The following ANKRD30B variants were observed in gnomAD, a reference collection of about 807,000 sequenced individuals.
ANKRD30B encodes the protein ankyrin repeat domain-containing protein 30B.
In ANKRD30B, 144 loss-of-function variants were observed where a neutral mutation model predicts 202.2. That is an observed-to-expected ratio of 0.71 (90% CI 0.62 to 0.82). The LOEUF (loss-of-function observed/expected upper bound fraction) is 0.82. Ranked by LOEUF, ANKRD30B falls within the 40% of genes least tolerant of loss-of-function variation. ANKRD30B has a pLI of 0.00. For synonymous variants in ANKRD30B, 508 were observed against 561.3 expected, an observed-to-expected ratio of 0.91 and a Z score of 1.34; for missense variants, 1,487 against 1,669.1, an observed-to-expected ratio of 0.89 and a Z score of 1.90.
intron 10 of ANKRD30B, among the ~76,000 whole-genome samples, chr18:14,778,585 C>G (rs1401652458): frequency 2.0e-5 from 3 of 152,070 alleles, no homozygotes; most frequent in Non-Finnish European, 1.5e-5. Flanking sequence ...GTTTTATCTG[C>G]AAAGGGTTAA....
At chr18:14,762,404 A>G (rs1183783588) in intron 6 of ANKRD30B, among the ~76,000 whole-genome samples, 3 of 152,232 alleles carry the variant, frequency 2.0e-5, no homozygotes, top group Non-Finnish European at 2.9e-5. Context: ...ATCAGTACCA[A>G]TAGGAGATTA....
the ANKRD30B span, among the ~76,000 whole-genome samples, chr18:14,906,280 T>C: frequency 6.6e-6 from 1 of 152,292 alleles, no homozygotes; most frequent in South Asian, 2.1e-4. Context: ...TGTGTTCTCC[T>C]GTCACTTTCT....
chr18:14,932,673 G>C, the ANKRD30B span, among the ~76,000 whole-genome samples: 3 of 152,220 alleles, frequency 2.0e-5, no homozygotes, highest in Non-Finnish European at 4.4e-5. Context: ...TTTGTCCTGG[G>C]TATGTTCTGG....
At position 14,832,619 on chromosome 18, in the gene ANKRD30B, G is replaced by A. The variant is rs546047520; in HGVS notation, c.2847+1164G>A. On this transcript the variant is annotated intron_variant, in intron 34 of 43. Coordinates refer to ENST00000690538, the MANE Select transcript of ANKRD30B (RefSeq NM_001367607.2). ...CTTGCCTGTAAAAAGCATTTTAAGCGGTTTTCAATGTGAATAAATAAGCAA... is the reference window on the plus strand; with the variant it reads ...CTTGCCTGTAAAAAGCATTTTAAGCAGTTTTCAATGTGAATAAATAAGCAA... 6.6e-5 allele frequency among the ~76,000 whole-genome samples: 10 copies of A among 152,158 alleles called. No homozygotes were observed. The East Asian group carries it at 1.2e-3, about 18-fold the overall frequency.
the ANKRD30B span, among the ~76,000 whole-genome samples, chr18:14,909,526 G>C: frequency 1.3e-5 from 2 of 152,028 alleles, no homozygotes; most frequent in African/African-American, 2.4e-5. Context: ...TTCCCCCTCA[G>C]CCTCCCAAAT....
Position 14,841,060 on chromosome 18 carries a change from A to G in ANKRD30B, c.3079+382A>G, listed in dbSNP as rs190974058. Among the ~76,000 whole-genome samples the G allele has an allele frequency of 3.9e-5, 6 of 152,312 alleles. No homozygotes were observed. The East Asian group carries it at 1.2e-3, about 29-fold the overall frequency. On this transcript the variant is annotated intron_variant, in intron 37 of 43. Transcript: ENST00000690538. ...ATGGTTAGAAAGCTGGGAAGAATAT[A>G]AAGTGACCTCCCATTACCAAAATTT...
the ANKRD30B span, among the ~76,000 whole-genome samples, chr18:14,882,352 C>T: frequency 3.9e-5 from 6 of 152,102 alleles, no homozygotes; most frequent in East Asian, 3.8e-4. Context: ...ATCGTGATTT[C>T]GTTTTTCACC....
intron 30 of ANKRD30B, among the ~76,000 whole-genome samples, chr18:14,821,204 G>A (rs1970402746): frequency 1.3e-5 from 2 of 152,144 alleles, no homozygotes. Flanking sequence ...GGGATCGGTG[G>A]TGATATCCCC....
Position 14,748,502 on chromosome 18 carries a change from A to G in ANKRD30B, c.83A>G (p.Glu28Gly), listed in dbSNP as rs1005052994. 1.3e-6 allele frequency: 2 copies of G among 1,551,570 alleles called. No homozygotes were observed. The highest frequency in any genetic ancestry group is 1.7e-6 in the Non-Finnish European group (2 of 1,147,006). ...CCCTTCAGCGAACGGGTCTACACTG[A>G]GAAGGACTACGGGACCATCTACTTC... ...PNPFSERVYT[E>G]KDYGTIYFGD... The change falls in exon 1 of 44, where the codon GAG becomes GGG. Residue 28 changes from glutamate (E) to glycine (G), a missense_variant. Physicochemically the swap from Glu to Gly is moderately conservative, Grantham distance 98. Coordinates refer to ENST00000690538, the MANE Select transcript of ANKRD30B (RefSeq NM_001367607.2).
At chr18:14,759,932 G>A (rs1187808005) in intron 5 of ANKRD30B, among the ~76,000 whole-genome samples, 1 of 152,138 alleles carries the variant, frequency 6.6e-6, no homozygotes, top group Non-Finnish European at 1.5e-5. Flanking sequence ...TGTAGAGACA[G>A]GGTCTCCCTG....
At chr18:14,800,039 T>A (rs1191720786) in intron 22 of ANKRD30B, among the ~76,000 whole-genome samples, 3 of 151,792 alleles carry the variant, frequency 2.0e-5, no homozygotes, top group African/African-American at 7.3e-5. Context: ...CAGACGAGCC[T>A]GGTCAACACA....
intron 41 of ANKRD30B, 33 bp from the exon 42 acceptor site, chr18:14,851,476 G>C: frequency 6.8e-7 from 1 of 1,475,606 alleles, no homozygotes. Flanking sequence ...ATTTTATTGA[G>C]TGCTAGTTAA....
At chr18:14,920,496 T>TA in the ANKRD30B span, among the ~76,000 whole-genome samples, 1 of 152,178 alleles carries the variant, frequency 6.6e-6, no homozygotes, top group Non-Finnish European at 1.5e-5. Context: ...AAACAAAAGT[T>TA]AAAGACTATC....
At chr18:14,935,389 C>T in the ANKRD30B span, among the ~76,000 whole-genome samples, 1 of 152,216 alleles carries the variant, frequency 6.6e-6, no homozygotes, top group Non-Finnish European at 1.5e-5. Flanking sequence ...CAGAAGGTCG[C>T]CTGTCCACAG....
In ANKRD30B at chr18:14,773,289, G is replaced by A. The variant is rs544807037; in HGVS notation, c.1329+1061G>A. 5.3e-5 allele frequency among the ~76,000 whole-genome samples: 8 copies of A among 152,164 alleles called. No homozygotes were observed. The South Asian group carries it at 8.3e-4, about 16-fold the overall frequency. ...CATTTTGGAGCTCTTGCATCACTAT[G>A]AGATACTGCAGGTTAGAAAACATAC... On this transcript the variant is annotated intron_variant, in intron 9 of 43. Coordinates refer to ENST00000690538, the MANE Select transcript of ANKRD30B (RefSeq NM_001367607.2).
chr18:14,852,670 T>A (rs1971941645), intron 42 of ANKRD30B: 1 of 314,186 alleles, frequency 3.2e-6, no homozygotes, highest in Non-Finnish European at 5.6e-6. Flanking sequence ...AGATTAACAT[T>A]AATGACATTG....
chr18:14,845,450 C>G (rs1971597873), intron 39 of ANKRD30B, among the ~76,000 whole-genome samples: 1 of 151,790 alleles, frequency 6.6e-6, no homozygotes, highest in African/African-American at 2.4e-5. Flanking sequence ...CATGTTTATT[C>G]ACATAAATTT....
At chr18:14,838,605 A>G (rs1274230912) in intron 36 of ANKRD30B, among the ~76,000 whole-genome samples, 2 of 152,216 alleles carry the variant, frequency 1.3e-5, no homozygotes, top group Non-Finnish European at 2.9e-5. Context: ...ATGTATTCCA[A>G]GGTCACAACT....
intron 7 of ANKRD30B, among the ~76,000 whole-genome samples, chr18:14,764,441 G>A (rs1290472518): frequency 6.6e-6 from 1 of 152,016 alleles, no homozygotes; most frequent in Non-Finnish European, 1.5e-5. Flanking sequence ...CTGGGCTGGA[G>A]TGCAATGGCG....
Sources: allele counts gnomAD v4.1 joint callset (sites outside exome capture counted in the v4.1 genomes callset), GRCh38; gene constraint gnomAD v4.1.1; transcripts MANE v1.5; gene names NCBI Gene and HGNC (gene_info 2026-07-23, HGNC 2026-07-21).